GALNT13: variants seen among roughly 807,000 people sequenced by gnomAD.
GALNT13 encodes the protein UDP-GalNAc:polypeptide N-acetylgalactosaminyltransferase 13.
GALNT13 carries 28 observed loss-of-function variants against 64.2 expected under a neutral mutation model. The observed-to-expected ratio is 0.44, with a 90% CI of 0.32 to 0.60. GALNT13 has a LOEUF of 0.60. Among genes scored for constraint, GALNT13 ranks in the 20% least tolerant of loss-of-function variants. GALNT13 has a pLI of 0.05. For synonymous variants in GALNT13, 214 were observed against 224.6 expected (o/e 0.95, Z 0.42); for missense variants, 577 against 669.8 (o/e 0.86, Z 1.53).
the GALNT13 span, among the ~76,000 whole-genome samples, chr2:153,279,353 C>T: frequency 1.3e-5 from 2 of 152,022 alleles, no homozygotes; most frequent in Admixed American, 1.3e-4. Context: ...TTTATTTCCT[C>T]CTTTTACTTG....
chr2:153,964,683 T>C (rs1693203889), intron 3 of GALNT13, among the ~76,000 whole-genome samples: 1 of 152,028 alleles, frequency 6.6e-6, no homozygotes, highest in African/African-American at 2.4e-5. Context: ...TTTTGTTAAA[T>C]TTCTTTCAAA....
chr2:153,925,234 G>A (rs1316870917), intron 2 of GALNT13, among the ~76,000 whole-genome samples: 1 of 152,076 alleles, frequency 6.6e-6, no homozygotes, highest in Non-Finnish European at 1.5e-5. Context: ...TTTGTATATG[G>A]TATAAGGAAG....
chr2:153,290,049 T>C, the GALNT13 span, among the ~76,000 whole-genome samples: 1 of 152,106 alleles, frequency 6.6e-6, no homozygotes, highest in African/African-American at 2.4e-5. Flanking sequence ...GCAAATTGAT[T>C]TCTTTTTAAA....
chr2:153,589,958 C>T, the GALNT13 span, among the ~76,000 whole-genome samples: 5 of 152,012 alleles, frequency 3.3e-5, no homozygotes, highest in Non-Finnish European at 5.9e-5. Context: ...CCCAAAAGAA[C>T]TAGAAAAGCA....
At chr2:153,348,245 A>C in the GALNT13 span, among the ~76,000 whole-genome samples, 10 of 152,318 alleles carry the variant, frequency 6.6e-5, no homozygotes, top group South Asian at 2.1e-3. Flanking sequence ...CCTTAATAAA[A>C]CATATTGCAC....
At chr2:153,126,946 G>T in the GALNT13 span, among the ~76,000 whole-genome samples, 4 of 152,124 alleles carry the variant, frequency 2.6e-5, no homozygotes, top group African/African-American at 9.7e-5. Context: ...TTGGCTGGCT[G>T]GCTGACCTAA....
chr2:153,403,839 A>G, the GALNT13 span, among the ~76,000 whole-genome samples: 2 of 152,112 alleles, frequency 1.3e-5, no homozygotes, highest in African/African-American at 4.8e-5. Context: ...GGCACTCCCT[A>G]GTGAGATGAA....
chr2:153,858,058 C>T, the GALNT13 span, among the ~76,000 whole-genome samples: 124,446 of 152,132 alleles, frequency 0.82, 52,148 homozygotes, highest in Non-Finnish European at 0.9. Context: ...GTAATAACCA[C>T]GGAGGAAAAT....
chr2:154,331,594 C>A (rs1695172340), intron 9 of GALNT13, among the ~76,000 whole-genome samples: 1 of 151,954 alleles, frequency 6.6e-6, no homozygotes, highest in African/African-American at 2.4e-5. Context: ...GGCACTGTGC[C>A]TGTCATGAAA....
the GALNT13 span, among the ~76,000 whole-genome samples, chr2:153,244,894 T>G: frequency 6.6e-6 from 1 of 152,208 alleles, no homozygotes; most frequent in African/African-American, 2.4e-5. Context: ...AAATTCTCAC[T>G]GCCAGCAGAA....
intron 4 of GALNT13, among the ~76,000 whole-genome samples, chr2:154,147,683 T>G (rs2105606102): frequency 6.6e-6 from 1 of 152,044 alleles, no homozygotes; most frequent in South Asian, 2.1e-4. Context: ...ATTCATATAT[T>G]CAAGTTTACC....
intron 8 of GALNT13, among the ~76,000 whole-genome samples, chr2:154,281,054 A>G (rs1210259185): frequency 6.6e-6 from 1 of 152,218 alleles, no homozygotes; most frequent in Non-Finnish European, 1.5e-5. Context: ...CAAAGCCTCC[A>G]GGATGTATTA....
At chr2:154,013,672 G>A (rs746784040) in intron 3 of GALNT13, among the ~76,000 whole-genome samples, 2 of 152,194 alleles carry the variant, frequency 1.3e-5, no homozygotes, top group African/African-American at 4.8e-5. Context: ...ACCCACCGCT[G>A]TGCGGTGGGC....
At chr2:154,235,461 A>G (rs778232360) in intron 4 of GALNT13, among the ~76,000 whole-genome samples, 2 of 152,154 alleles carry the variant, frequency 1.3e-5, no homozygotes, top group African/African-American at 2.4e-5. Context: ...TTTTGTTTGC[A>G]TGGATGCATG....
At chr2:153,375,667 C>T in the GALNT13 span, among the ~76,000 whole-genome samples, 1 of 152,092 alleles carries the variant, frequency 6.6e-6, no homozygotes, top group Non-Finnish European at 1.5e-5. Flanking sequence ...TCTGATTTTC[C>T]CTTTAGCTAG....
At chr2:153,800,045 G>GCTCTCTCTGTCTCTCTCTCT in the GALNT13 span, among the ~76,000 whole-genome samples, 1 of 118,930 alleles carries the variant, frequency 8.4e-6, no homozygotes, top group Non-Finnish European at 1.8e-5. Context: ...CATTTAGTTT[G>GCTCTCTCTGTCTCTCTCTCT]CTCTCTCTCT....
chr2:153,102,060 A>G, the GALNT13 span, among the ~76,000 whole-genome samples: 1 of 152,150 alleles, frequency 6.6e-6, no homozygotes, highest in Non-Finnish European at 1.5e-5. Context: ...GGAAATAGAT[A>G]TTAGATTTAA....
intron 2 of GALNT13, among the ~76,000 whole-genome samples, chr2:153,923,987 G>T (rs1315604094): frequency 6.6e-6 from 1 of 151,874 alleles, no homozygotes; most frequent in Admixed American, 6.6e-5. Flanking sequence ...TGTGAATAGT[G>T]CCACAATAAA....
chr2:153,299,469 A>G, the GALNT13 span, among the ~76,000 whole-genome samples: 24 of 152,216 alleles, frequency 1.6e-4, no homozygotes, highest in South Asian at 2.1e-4. Flanking sequence ...GTCAACCCAG[A>G]CCTGAAGGGG....
Sources: gnomAD v4.1 joint callset for allele counts (sites outside exome capture counted in the v4.1 genomes callset) on GRCh38, gnomAD v4.1.1 for gene constraint, MANE v1.5 for transcripts, NCBI Gene and HGNC (gene_info 2026-07-23, HGNC 2026-07-21) for gene names.